Variants in CWC27 observed in about 807,000 individuals in gnomAD.
The protein encoded by CWC27 is spliceosome-associated protein CWC27 homolog.
CWC27 carries 47 observed loss-of-function variants against 63.6 expected under a neutral mutation model. The ratio of observed to expected loss-of-function variants is 0.74; its 90% CI spans 0.58 to 0.94. The LOEUF (loss-of-function observed/expected upper bound fraction) is 0.94. CWC27 is among the 40% of genes least tolerant of loss of function. CWC27 has a pLI of 0.00. For missense variants in CWC27, 495 were observed against 554.3 expected (o/e 0.89, Z 1.07); for synonymous variants, 175 against 179.8 (o/e 0.97, Z 0.22).
chr5:64,923,229 G>A (rs1479410574), intron 11 of CWC27, among the ~76,000 whole-genome samples: 1 of 152,126 alleles, frequency 6.6e-6, no homozygotes, highest in Admixed American at 6.5e-5. Flanking sequence ...GTAGTCACTG[G>A]CGAAAGCACT....
At chr5:64,827,966 G>C (rs993884044) in intron 10 of CWC27, among the ~76,000 whole-genome samples, 1 of 152,098 alleles carries the variant, frequency 6.6e-6, no homozygotes, top group Non-Finnish European at 1.5e-5. Flanking sequence ...TAGCTGCCTG[G>C]TAGTCACTTA....
chr5:64,870,482 T>A (rs68173534), intron 10 of CWC27, among the ~76,000 whole-genome samples: 2,979 of 48,320 alleles, frequency 0.062, 56 homozygotes, highest in East Asian at 0.17. Context: ...TTAAATTGGT[T>A]AAAAAAAAAA....
rs539688113 is a variant in CWC27 at position 64,990,786 on chromosome 5, G to A, written c.1256+13548G>A. On this transcript the variant is annotated intron_variant, in intron 13 of 13. Coordinates refer to ENST00000381070, the MANE Select transcript of CWC27 (RefSeq NM_005869.4). ...GTCATTTAAACATGTAGAGCCCATG[G>A]CAAGTAATTATTAATCCTTAAGCTT... Among the ~76,000 whole-genome samples the A allele has an allele frequency of 2.0e-4, 30 of 152,192 alleles. 2 individuals are homozygous for A. The South Asian group carries it at 6.2e-3, about 32-fold the overall frequency.
At chr5:64,834,289 A>G (rs574520949) in intron 10 of CWC27, among the ~76,000 whole-genome samples, 1 of 151,812 alleles carries the variant, frequency 6.6e-6, no homozygotes, top group African/African-American at 2.4e-5. Flanking sequence ...TTGAACTTTC[A>G]GTGAACTCCT....
At position 64,858,923 on chromosome 5, in the gene CWC27, T is replaced by G. The variant is rs539171040; in HGVS notation, c.939-26520T>G. Among the ~76,000 whole-genome samples the G allele has an allele frequency of 1.2e-4, 18 of 152,310 alleles. 1 individual carries two copies. Among genetic ancestry groups the G allele is most frequent in the Middle Eastern group, 3.4e-3 (1 of 294 alleles). ...GTTTTTATCGAAGATATGAAAACATTTGTTCACAAAAAGATCTGCACATGT... is the reference window on the plus strand; with the variant it reads ...GTTTTTATCGAAGATATGAAAACATGTGTTCACAAAAAGATCTGCACATGT... On this transcript the variant is annotated intron_variant, in intron 10 of 13. Transcript: ENST00000381070.
intron 10 of CWC27, among the ~76,000 whole-genome samples, chr5:64,852,530 G>A (rs951885906): frequency 5.3e-5 from 8 of 151,456 alleles, no homozygotes; most frequent in African/African-American, 1.2e-4. Context: ...GGAGTGCAGC[G>A]GCGTGATCTC....
At chr5:64,784,530 C>T (rs1484460210) in intron 4 of CWC27, among the ~76,000 whole-genome samples, 1 of 152,130 alleles carries the variant, frequency 6.6e-6, no homozygotes, top group African/African-American at 2.4e-5. Flanking sequence ...CACTCTTCTC[C>T]ATTCTCATAA....
intron 2 of CWC27, among the ~76,000 whole-genome samples, chr5:64,776,604 T>C (rs1424478251): frequency 2.0e-5 from 3 of 152,124 alleles, no homozygotes; most frequent in Admixed American, 6.6e-5. Flanking sequence ...AGAATTATTA[T>C]TGGAAAGGCT....
chr5:64,870,698 A>T (rs1167772790), intron 10 of CWC27, among the ~76,000 whole-genome samples: 3 of 151,984 alleles, frequency 2.0e-5, no homozygotes, highest in Non-Finnish European at 2.9e-5. Flanking sequence ...ACAGAAATAA[A>T]TTTTTCTTTA....
intron 11 of CWC27, among the ~76,000 whole-genome samples, chr5:64,964,668 A>T (rs1221609787): frequency 2.6e-5 from 4 of 152,182 alleles, no homozygotes; most frequent in Admixed American, 2.0e-4. Context: ...TCACAAGGTA[A>T]AATTAGCCCA....
At chr5:64,878,470 TAAA>T (rs397998002) in intron 10 of CWC27, among the ~76,000 whole-genome samples, 107 of 26,902 alleles carry the variant, frequency 4.0e-3, no homozygotes, top group African/African-American at 7.1e-3. Flanking sequence ...GGTTACAGAT[TAAA>T]AAAAAAAAAA....
chr5:64,877,322 A>G (rs759158988), intron 10 of CWC27, among the ~76,000 whole-genome samples: 11 of 152,060 alleles, frequency 7.2e-5, no homozygotes, highest in Non-Finnish European at 1.5e-4. Context: ...AGAAAGACAA[A>G]TATCGTATAT....
intron 13 of CWC27, among the ~76,000 whole-genome samples, chr5:64,996,100 T>C (rs1255878323): frequency 6.6e-6 from 1 of 152,184 alleles, no homozygotes; most frequent in Non-Finnish European, 1.5e-5. Flanking sequence ...GGCATATAAA[T>C]GTTTTTATGA....
chr5:64,935,903 CTAT>C (rs1178308911), intron 11 of CWC27, among the ~76,000 whole-genome samples: 1 of 152,058 alleles, frequency 6.6e-6, no homozygotes, highest in Admixed American at 6.6e-5. Context: ...CTCTGTTTGT[CTAT>C]TATTGATGTA....
Position 64,943,512 on chromosome 5 carries a change from C to T in CWC27, c.1043-28191C>T, listed in dbSNP as rs73107301. On this transcript the variant is annotated intron_variant, in intron 11 of 13. Coordinates refer to ENST00000381070, the MANE Select transcript of CWC27 (RefSeq NM_005869.4). ...AATCTATTTACATGCTGGTATATACCACTATGAGTTTCTGACAAACATGGC... is the reference window on the plus strand; with the variant it reads ...AATCTATTTACATGCTGGTATATACTACTATGAGTTTCTGACAAACATGGC... 6.8e-3 allele frequency among the ~76,000 whole-genome samples: 1,040 copies of T among 152,126 alleles called. 13 individuals carry two copies. Among genetic ancestry groups the T allele is most frequent in the African/African-American group, 0.024 (979 of 41,494 alleles).
chr5:64,905,477 C>A (rs1305325717), intron 11 of CWC27, among the ~76,000 whole-genome samples: 1 of 152,060 alleles, frequency 6.6e-6, no homozygotes. Flanking sequence ...AGCGTCTGAA[C>A]TTCTATTTCT....
intron 13 of CWC27, among the ~76,000 whole-genome samples, chr5:64,992,517 TG>T (rs1339172954): frequency 6.6e-6 from 1 of 150,878 alleles, no homozygotes; most frequent in Non-Finnish European, 1.5e-5. Context: ...TTCTCATCTT[TG>T]GAATACTTTC....
chr5:64,882,034 G>A (rs1746950443), intron 10 of CWC27, among the ~76,000 whole-genome samples: 1 of 152,132 alleles, frequency 6.6e-6, no homozygotes, highest in South Asian at 2.1e-4. Flanking sequence ...CCATTTTTAT[G>A]TCATGCCAAG....
At chr5:64,967,952 A>G (rs559861805) in intron 11 of CWC27, among the ~76,000 whole-genome samples, 1 of 152,160 alleles carries the variant, frequency 6.6e-6, no homozygotes, top group East Asian at 1.9e-4. Context: ...GCTCTTTGAA[A>G]GATATACTTA....
Sources: allele counts gnomAD v4.1 joint callset (sites outside exome capture counted in the v4.1 genomes callset), GRCh38; gene constraint gnomAD v4.1.1; transcripts MANE v1.5; gene names NCBI Gene and HGNC (gene_info 2026-07-23, HGNC 2026-07-21).